Variants in GPM6A observed in about 807,000 individuals in gnomAD.
GPM6A encodes the protein neuronal membrane glycoprotein M6-a.
Under a neutral mutation model 32.1 loss-of-function variants are expected in GPM6A, and 7 were observed. That is an observed-to-expected ratio of 0.22 (90% CI 0.12 to 0.41). The LOEUF (loss-of-function observed/expected upper bound fraction) is 0.41, where lower values mean the gene tolerates loss of function less well. Among genes scored for constraint, GPM6A ranks in the 10% least tolerant of loss-of-function variants. The pLI, the probability that GPM6A is intolerant of heterozygous loss-of-function variation, is 1.00. For synonymous variants in GPM6A, 130 were observed against 123.4 expected (o/e 1.05, Z -0.35); for missense variants, 235 against 347.2 (o/e 0.68, Z 2.57).
intron 3 of GPM6A, among the ~76,000 whole-genome samples, chr4:175,656,106 T>TC (rs1742069187): frequency 6.6e-6 from 1 of 152,084 alleles, no homozygotes; most frequent in Admixed American, 6.6e-5. Flanking sequence ...TTGGCCTTTC[T>TC]CATTTTGGTC....
chr4:175,766,653 CTT>C (rs763676067), intron 1 of GPM6A, among the ~76,000 whole-genome samples: 11 of 132,670 alleles, frequency 8.3e-5, no homozygotes, highest in Admixed American at 1.5e-4. Flanking sequence ...TCCACTTACT[CTT>C]TTTTTTTTTT....
chr4:175,643,356 T>C (rs771830352), intron 4 of GPM6A, among the ~76,000 whole-genome samples: 1 of 152,146 alleles, frequency 6.6e-6, no homozygotes, highest in Non-Finnish European at 1.5e-5. Flanking sequence ...ATCAAGATGG[T>C]ACATCGTGGG....
chr4:175,871,974 G>C (rs959987932), intron 1 of GPM6A, among the ~76,000 whole-genome samples: 1 of 152,146 alleles, frequency 6.6e-6, no homozygotes, highest in African/African-American at 2.4e-5. Flanking sequence ...GAAAATGTCT[G>C]ACTCATTCCA....
chr4:175,758,321 A>C (rs1022157368), intron 1 of GPM6A, among the ~76,000 whole-genome samples: 5 of 152,214 alleles, frequency 3.3e-5, no homozygotes, highest in Non-Finnish European at 7.3e-5. Context: ...TGCCATAAGA[A>C]AATCAAGGTA....
rs140336557 is a variant in GPM6A, at chr4:175,927,842, G to C, written c.-23+74467C>G. The stretch of plus-strand genomic sequence containing the variant: ...GGAGGTTGCAATGAGCTGAGATCAC[G>C]CCTCTGAACTCCAGCCTGGACCATA... On this transcript the variant is annotated intron_variant, in intron 1 of 7. Transcript: ENST00000280187. 4.6e-5 allele frequency among the ~76,000 whole-genome samples: 7 copies of C among 152,290 alleles called. No individual in the cohort carries two copies. In the Middle Eastern group the frequency reaches 0.014, roughly 296 times the overall value.
intron 1 of GPM6A, among the ~76,000 whole-genome samples, chr4:175,925,677 T>C (rs1358298714): frequency 6.6e-6 from 1 of 152,110 alleles, no homozygotes; most frequent in Non-Finnish European, 1.5e-5. Flanking sequence ...TCTTAATACA[T>C]GTATTTGGAA....
intron 1 of GPM6A, among the ~76,000 whole-genome samples, chr4:175,987,822 T>C (rs745971828): frequency 2.0e-5 from 3 of 151,912 alleles, no homozygotes; most frequent in African/African-American, 4.8e-5. Context: ...TGCTTAGAAA[T>C]TAATTAATTG....
At chr4:175,747,257 A>T (rs2111179628) in intron 1 of GPM6A, among the ~76,000 whole-genome samples, 1 of 132,970 alleles carries the variant, frequency 7.5e-6, no homozygotes, top group African/African-American at 2.8e-5. Flanking sequence ...TGACAGAGCA[A>T]GACTCCATCT....
At chr4:175,689,605 G>A (rs990109061) in intron 2 of GPM6A, among the ~76,000 whole-genome samples, 4 of 152,118 alleles carry the variant, frequency 2.6e-5, no homozygotes, top group Non-Finnish European at 5.9e-5. Context: ...TCCACTGGGT[G>A]GCATGTTCTG....
At chr4:175,786,014 G>A (rs1020329224) in intron 1 of GPM6A, among the ~76,000 whole-genome samples, 3 of 152,136 alleles carry the variant, frequency 2.0e-5, no homozygotes, top group African/African-American at 4.8e-5. Context: ...AAATATGAGA[G>A]AGCATCGCAT....
intron 1 of GPM6A, among the ~76,000 whole-genome samples, chr4:175,943,952 A>G (rs115369715): frequency 0.019 from 2,948 of 152,228 alleles, 89 homozygotes; most frequent in African/African-American, 0.068. Context: ...TTTAGAAAGA[A>G]TGGTACCAGC....
At chr4:175,750,861 C>T (rs544109854) in intron 1 of GPM6A, among the ~76,000 whole-genome samples, 1 of 152,284 alleles carries the variant, frequency 6.6e-6, no homozygotes, top group South Asian at 2.1e-4. Context: ...GCATGAGTCA[C>T]CACGCTGAGG....
intron 1 of GPM6A, among the ~76,000 whole-genome samples, chr4:175,778,627 C>CAAAAA (rs34286041): frequency 0.06 from 4,435 of 74,406 alleles, 2 homozygotes; most frequent in Middle Eastern, 0.068. Flanking sequence ...CTGTATCCAA[C>CAAAAA]AAAAAAAAAA....
chr4:175,825,298 T>C (rs1735399345), intron 1 of GPM6A, among the ~76,000 whole-genome samples: 1 of 152,214 alleles, frequency 6.6e-6, no homozygotes, highest in African/African-American at 2.4e-5. Context: ...TATCAGACTA[T>C]ATAATAATTG....
intron 1 of GPM6A, among the ~76,000 whole-genome samples, chr4:175,952,336 G>A (rs1739842163): frequency 6.6e-6 from 1 of 152,202 alleles, no homozygotes; most frequent in Admixed American, 6.5e-5. Context: ...AAAGCTAGAT[G>A]TCCAAGGAGT....
intron 1 of GPM6A, among the ~76,000 whole-genome samples, chr4:175,887,182 C>T (rs919546787): frequency 6.6e-6 from 1 of 151,966 alleles, no homozygotes; most frequent in East Asian, 1.9e-4. Context: ...AATCAATTAT[C>T]AAGCCATAAA....
At chr4:175,690,105 T>C (rs752298147) in intron 2 of GPM6A, among the ~76,000 whole-genome samples, 20 of 152,352 alleles carry the variant, frequency 1.3e-4, no homozygotes, top group East Asian at 3.9e-4. Flanking sequence ...GGTATTGGTC[T>C]GTAAATTACT....
Position 175,797,725 on chromosome 4 carries a change from C to T in GPM6A, c.37+14466G>A, listed in dbSNP as rs114600925. Among the ~76,000 whole-genome samples, 1,176 of 152,206 alleles carry T rather than the reference C, an allele frequency of 7.7e-3. 17 individuals carry two copies. Among genetic ancestry groups the T allele is most frequent in the African/African-American group, 0.022 (902 of 41,540 alleles). ...GGCTTATGTACATGATTGTAGGCTTCGAAGTTCTTTTTATTTTCAAAGGCA... is the reference window on the plus strand; with the variant it reads ...GGCTTATGTACATGATTGTAGGCTTTGAAGTTCTTTTTATTTTCAAAGGCA... On this transcript the variant is annotated intron_variant, in intron 1 of 6. Coordinates refer to ENST00000393658, the MANE Select transcript of GPM6A (RefSeq NM_201591.3).
intron 2 of GPM6A, among the ~76,000 whole-genome samples, chr4:175,689,541 G>A (rs187147982): frequency 1.4e-4 from 22 of 151,908 alleles, no homozygotes; most frequent in Non-Finnish European, 2.8e-4. Context: ...ATGAGCTGAT[G>A]TGATATTTCC....
Sources: gnomAD v4.1 joint callset for allele counts (sites outside exome capture counted in the v4.1 genomes callset) on GRCh38, gnomAD v4.1.1 for gene constraint, MANE v1.5 for transcripts, NCBI Gene and HGNC (gene_info 2026-07-23, HGNC 2026-07-21) for gene names.